The following ZC3H3 variants were observed in gnomAD, a reference collection of about 807,000 sequenced individuals.
ZC3H3 encodes the protein zinc finger CCCH-type containing 3, also known as zinc finger CCCH domain-containing protein 3.
Under a neutral mutation model 77.3 loss-of-function variants are expected in ZC3H3, and 36 were observed. That is an observed-to-expected ratio of 0.47 (90% CI 0.36 to 0.61). The LOEUF (loss-of-function observed/expected upper bound fraction) is 0.61, where lower values mean the gene tolerates loss of function less well. Ranked by LOEUF, ZC3H3 falls within the 20% of genes least tolerant of loss-of-function variation. The pLI is 0.00. For missense variants in ZC3H3, 1,331 were observed against 1,312.2 expected, an observed-to-expected ratio of 1.01 and a Z score of -0.22; for synonymous variants, 626 against 555.2, an observed-to-expected ratio of 1.13 and a Z score of -1.79.
chr8:143,541,325 G>A, intron 1 of ZC3H3, 51 bp downstream of exon 1: 1 of 1,602,006 alleles, frequency 6.2e-7, no homozygotes, highest in Non-Finnish European at 8.5e-7. Context: ...GACCCGCCGC[G>A]AGGTGAGGGG....
At chr8:143,500,875 G>A (rs938462027) in intron 4 of ZC3H3, among the ~76,000 whole-genome samples, 8 of 149,270 alleles carry the variant, frequency 5.4e-5, no homozygotes, top group Non-Finnish European at 1.0e-4. Context: ...GTGCAGTGGC[G>A]CCATCTTCGC....
intron 3 of ZC3H3, among the ~76,000 whole-genome samples, chr8:143,527,589 G>A (rs934603603): frequency 2.0e-5 from 3 of 152,226 alleles, no homozygotes; most frequent in Non-Finnish European, 2.9e-5. Context: ...TTCAAAGATC[G>A]CTGTGGCTGC....
intron 4 of ZC3H3, among the ~76,000 whole-genome samples, 172 bp from the exon 5 acceptor site, chr8:143,475,757 G>T (rs113682279): frequency 6.6e-6 from 1 of 152,172 alleles, no homozygotes; most frequent in Non-Finnish European, 1.5e-5. Flanking sequence ...CAGCTGCCAA[G>T]AGACCTCTGT....
At chr8:143,490,992 G>GC (rs1272961485) in intron 4 of ZC3H3, among the ~76,000 whole-genome samples, 1 of 152,210 alleles carries the variant, frequency 6.6e-6, no homozygotes, top group African/African-American at 2.4e-5. Flanking sequence ...ATTTAAAACG[G>GC]CGGCACCCAG....
At chr8:143,439,970 C>A in intron 11 of ZC3H3, 71 bp downstream of exon 11, 1 of 1,371,482 alleles carries the variant, frequency 7.3e-7, no homozygotes, top group Non-Finnish European at 9.6e-7. Context: ...GGGCCTGAGC[C>A]AGGCCGTGCT....
chr8:143,519,194 G>A (rs555674729), intron 3 of ZC3H3, among the ~76,000 whole-genome samples: 1 of 152,346 alleles, frequency 6.6e-6, no homozygotes, highest in South Asian at 2.1e-4. Flanking sequence ...CAGGCAGGCA[G>A]TGGCCCAGCA....
chr8:143,507,443 G>A (rs1821736903), intron 4 of ZC3H3, among the ~76,000 whole-genome samples: 1 of 152,280 alleles, frequency 6.6e-6, no homozygotes, highest in Non-Finnish European at 1.5e-5. Context: ...GGCAGCAGAA[G>A]CTTTCATGGC....
At chr8:143,517,792 C>T (rs1822107981) in intron 3 of ZC3H3, among the ~76,000 whole-genome samples, 1 of 152,202 alleles carries the variant, frequency 6.6e-6, no homozygotes. Context: ...CTTTGACCCC[C>T]CGCTCCTGCC....
intron 3 of ZC3H3, among the ~76,000 whole-genome samples, chr8:143,524,828 C>T (rs1186082982): frequency 2.6e-5 from 4 of 152,264 alleles, no homozygotes; most frequent in Admixed American, 2.0e-4. Flanking sequence ...CTGCCAGCCA[C>T]GCTCTGCCCC....
chr8:143,522,880 C>A (rs1563878038), intron 3 of ZC3H3, among the ~76,000 whole-genome samples: 1 of 151,936 alleles, frequency 6.6e-6, no homozygotes, highest in Non-Finnish European at 1.5e-5. Flanking sequence ...AGATGGCGCC[C>A]CTGCACTCCA....
rs369537620 is a variant in ZC3H3 at position 143,539,089 on chromosome 8, C to T, written c.278G>A (p.Arg93Gln). The change falls in exon 2 of 12, where the codon CGG (arginine) becomes CAG (glutamine). Residue 93 changes from arginine (R) to glutamine (Q), a missense_variant. This residue lies in a region of ZC3H3 where 978 missense variants were observed against 915.5 expected (regional missense o/e 1.07). Transcript: ENST00000262577. ...PSDPPADHAV[R>Q]PLHGARGGQP... ...GCCCCCCCGGGCCCCGTGCAACGGCCGCACAGCATGGTCGGCAGGAGGGTC... is the reference window on the plus strand; with the variant it reads ...GCCCCCCCGGGCCCCGTGCAACGGCTGCACAGCATGGTCGGCAGGAGGGTC... 2.7e-5 allele frequency: 44 copies of T among 1,612,846 alleles called. No homozygotes were observed. The highest frequency in any genetic ancestry group is 1.2e-4 in the Admixed American group (7 of 60,010).
intron 3 of ZC3H3, among the ~76,000 whole-genome samples, chr8:143,518,661 G>C (rs1822141229): frequency 6.6e-6 from 1 of 152,358 alleles, no homozygotes; most frequent in South Asian, 2.1e-4. Flanking sequence ...CTCCTCCAGG[G>C]CTGGTCTTGG....
At chr8:143,442,692 T>C (rs1245891788) in intron 9 of ZC3H3, among the ~76,000 whole-genome samples, 1 of 152,208 alleles carries the variant, frequency 6.6e-6, no homozygotes, top group Non-Finnish European at 1.5e-5. Context: ...ACAGCCAGTG[T>C]GAGCTGAGGT....
chr8:143,483,951 G>A (rs905204983), intron 4 of ZC3H3, among the ~76,000 whole-genome samples: 4 of 152,244 alleles, frequency 2.6e-5, no homozygotes, highest in South Asian at 2.1e-4. Context: ...TGCAGAGACC[G>A]TCCAGCCGCT....
At position 143,538,462 on chromosome 8, in the gene ZC3H3, C is replaced by G; in HGVS notation, c.905G>C (p.Arg302Pro). ...GTTGTTTTTCCGGAACTTGTTAGTT[C>G]GACAGGTCACAACCAGCGAGGCCTC... ...AREASLVVTC[R>P]TNKFRKNNYK... Residue 302 changes from arginine to proline, a missense_variant, in exon 2 of 12, where the codon CGA (arginine) becomes CCA (proline). Transcript: ENST00000262577. 2 of 1,613,100 alleles carry G rather than the reference C, an allele frequency of 1.2e-6. No individual in the cohort carries two copies. Among genetic ancestry groups the G allele is most frequent in the Non-Finnish European group, 1.7e-6 (2 of 1,180,032 alleles).
Position 143,511,150 on chromosome 8 carries a change from C to T in ZC3H3, c.1562-3251G>A, listed in dbSNP as rs116755836. On this transcript the variant is annotated intron_variant, in intron 3 of 11. Transcript: ENST00000262577. Reference sequence around the variant, plus strand: ...AGGCCGGGGACCAGGTGGGACAGCCCTCAGGCACCTCGAGAGCCCTGCTGT... The same window carrying T: ...AGGCCGGGGACCAGGTGGGACAGCCTTCAGGCACCTCGAGAGCCCTGCTGT... Among the ~76,000 whole-genome samples, 1,316 of 152,340 alleles carry T rather than the reference C, an allele frequency of 8.6e-3. 21 individuals are homozygous for T. Among genetic ancestry groups the T allele is most frequent in the African/African-American group, 0.03 (1,249 of 41,574 alleles).
chr8:143,516,383 C>CT (rs1369971650), intron 3 of ZC3H3, among the ~76,000 whole-genome samples: 1 of 152,096 alleles, frequency 6.6e-6, no homozygotes, highest in Admixed American at 6.5e-5. Flanking sequence ...CTCGAACCCT[C>CT]TGGCCCCACG....
In ZC3H3 at chr8:143,541,363, C is replaced by T. The variant is rs528147096; in HGVS notation, c.46+13G>A. The T allele has an allele frequency of 5.6e-6, 9 of 1,608,576 alleles. No individual in the cohort carries two copies. Among genetic ancestry groups the T allele is most frequent in the East Asian group, 2.3e-5 (1 of 44,196 alleles). The stretch of plus-strand genomic sequence containing the variant: ...AAGAAGGGGACTCGCGTCCCGGCCC[C>T]GGCCGGACCTACCCTGCAGTAGGCG... On this transcript the variant is annotated intron_variant, in intron 1 of 11. Transcript: ENST00000262577.
chr8:143,475,353 A>G, intron 5 of ZC3H3, 45 bp downstream of exon 5: 1 of 1,583,492 alleles, frequency 6.3e-7, no homozygotes, highest in Non-Finnish European at 8.6e-7. Context: ...ACCACACGCT[A>G]GCCGGTCGGT....
Sources: gnomAD v4.1 joint callset for allele counts (sites outside exome capture counted in the v4.1 genomes callset) on GRCh38, gnomAD v4.1.1 for gene constraint, gnomAD v4.1.1 regional missense constraint, MANE v1.5 for transcripts, NCBI Gene and HGNC (gene_info 2026-07-23, HGNC 2026-07-21) for gene names.